PRKG2: variants seen among roughly 807,000 people sequenced by gnomAD.
PRKG2 encodes cGMP-dependent protein kinase 2.
A neutral mutation model predicts 97.2 loss-of-function variants in PRKG2; 33 were observed. The ratio of observed to expected loss-of-function variants is 0.34; its 90% CI spans 0.26 to 0.45. The LOEUF is 0.45. Ranked by LOEUF, PRKG2 falls within the 20% of genes least tolerant of loss-of-function variation. PRKG2 has a pLI of 1.00. For synonymous variants in PRKG2, 330 were observed against 321.8 expected (o/e 1.03, Z -0.27); for missense variants, 638 against 900.0 (o/e 0.71, Z 3.73).
chr4:81,091,535 G>A (rs532551198), intron 18 of PRKG2, among the ~76,000 whole-genome samples: 20 of 151,898 alleles, frequency 1.3e-4, no homozygotes, highest in African/African-American at 4.8e-4. Context: ...CGCCCGCCTC[G>A]GCCTCCTAAA....
chr4:81,144,413 A>C (rs1308327709), intron 9 of PRKG2, 83 bp from the exon 10 acceptor site: 2 of 1,046,256 alleles, frequency 1.9e-6, no homozygotes, highest in East Asian at 2.4e-5. Context: ...ATAAAACACA[A>C]GCTGGTTATT....
chr4:81,208,621 G>T (rs1203041115), intron 1 of PRKG2, among the ~76,000 whole-genome samples: 3 of 151,960 alleles, frequency 2.0e-5, no homozygotes, highest in African/African-American at 4.8e-5. Context: ...ATGGGGTCTT[G>T]CACTATGTTG....
At chr4:81,101,485 A>T (rs1742764331) in intron 17 of PRKG2, among the ~76,000 whole-genome samples, 1 of 147,614 alleles carries the variant, frequency 6.8e-6, no homozygotes, top group Non-Finnish European at 1.5e-5. Flanking sequence ...CAAATACTTC[A>T]TGTTCTCACT....
intron 6 of PRKG2, among the ~76,000 whole-genome samples, chr4:81,162,225 G>C (rs191374197): frequency 6.6e-6 from 1 of 152,064 alleles, no homozygotes; most frequent in African/African-American, 2.4e-5. Flanking sequence ...CCAGGTACCC[G>C]GTGACTGTTA....
At chr4:81,103,620 CAAT>C (rs1489565638) in intron 17 of PRKG2, among the ~76,000 whole-genome samples, 24 of 152,108 alleles carry the variant, frequency 1.6e-4, no homozygotes, top group African/African-American at 4.1e-4. Context: ...CTGGCAACAA[CAAT>C]GTTATCTTCT....
At chr4:81,212,228 C>G (rs750977388) in intron 1 of PRKG2, among the ~76,000 whole-genome samples, 1 of 152,104 alleles carries the variant, frequency 6.6e-6, no homozygotes, top group Admixed American at 6.6e-5. Flanking sequence ...AATCATATGA[C>G]CTTGTTGTAC....
intron 1 of PRKG2, among the ~76,000 whole-genome samples, chr4:81,212,696 T>C (rs2110138803): frequency 6.6e-6 from 1 of 152,266 alleles, no homozygotes; most frequent in Middle Eastern, 3.4e-3. Flanking sequence ...TATTAAGCAG[T>C]TATTGATACA....
Position 81,089,777 on chromosome 4 carries a change from G to C in PRKG2, c.2220C>G (p.Tyr740Ter). 6.2e-7 allele frequency: 1 copy of C among 1,612,292 alleles called. No individual in the cohort carries two copies. The highest frequency in any genetic ancestry group is 8.5e-7 in the Non-Finnish European group (1 of 1,178,378). The change falls in exon 19 of 19, where the codon TAC (tyrosine) becomes TAG (stop). Residue 740 changes from tyrosine to a stop codon, truncating the protein, a stop_gained. Coordinates refer to ENST00000264399, the MANE Select transcript of PRKG2 (RefSeq NM_006259.3). LOFTEE classifies it high-confidence loss of function. ...RELKGPIDHSYFDKYPPEKGM... is the reference protein window; with the variant it reads ...RELKGPIDHS ...CCTTTTCAGGAGGATATTTGTCAAA[G>C]TAGCTGTGATCTATGGGTCCCTTGA... is the stretch of plus-strand genomic sequence containing the variant.
intron 2 of PRKG2, among the ~76,000 whole-genome samples, chr4:81,180,663 T>G (rs190368629): frequency 4.6e-4 from 70 of 152,204 alleles, no homozygotes; most frequent in African/African-American, 1.5e-3. Flanking sequence ...TAGACAAGTG[T>G]CCCACATTGA....
intron 7 of PRKG2, among the ~76,000 whole-genome samples, chr4:81,153,258 C>T (rs1252706615): frequency 6.6e-6 from 1 of 152,216 alleles, no homozygotes; most frequent in Non-Finnish European, 1.5e-5. Flanking sequence ...TGAATTCATT[C>T]TCCACCTGCT....
intron 17 of PRKG2, among the ~76,000 whole-genome samples, chr4:81,093,018 C>T (rs1231951042): frequency 1.3e-5 from 2 of 152,094 alleles, no homozygotes; most frequent in African/African-American, 4.8e-5. Flanking sequence ...TCAATACTTC[C>T]CCACCTTTTC....
At chr4:81,171,931 TTATAA>T in intron 3 of PRKG2, 127 bp from the exon 4 acceptor site, 1 of 596,268 alleles carries the variant, frequency 1.7e-6, no homozygotes. Flanking sequence ...ATGATTCTCA[TTATAA>T]TACACCAGTT....
intron 2 of PRKG2, among the ~76,000 whole-genome samples, chr4:81,184,514 A>G (rs567470697): frequency 6.6e-6 from 1 of 152,322 alleles, no homozygotes; most frequent in Admixed American, 6.5e-5. Flanking sequence ...ACCAAAGTAG[A>G]TAAATCCATG....
At chr4:81,098,133 G>A (rs762863618) in intron 17 of PRKG2, among the ~76,000 whole-genome samples, 24 of 152,206 alleles carry the variant, frequency 1.6e-4, no homozygotes, top group Non-Finnish European at 2.8e-4. Context: ...CTGCCAGTGC[G>A]GCTAGAATAT....
At chr4:81,136,902 ACC>A (rs1462170077) in intron 13 of PRKG2, among the ~76,000 whole-genome samples, 5 of 151,932 alleles carry the variant, frequency 3.3e-5, no homozygotes, top group African/African-American at 1.2e-4. Context: ...TCTCCTCCTG[ACC>A]CCCACCGTGC....
chr4:81,089,609 A>G lies in PRKG2; in HGVS notation c.*99T>C. 1 of 904,846 alleles carries G rather than the reference A, an allele frequency of 1.1e-6. No homozygotes were observed. Among genetic ancestry groups the G allele is most frequent in the Non-Finnish European group, 1.7e-6 (1 of 595,528 alleles). 56.1% of individuals were successfully genotyped at this position (904,846 alleles called of 1,614,324 possible). ...AATTTCTTTTCCCTAATGGTCTTCCAAAGATATTATAATACTCTGAAAAGA... is the reference window on the plus strand; with the variant it reads ...AATTTCTTTTCCCTAATGGTCTTCCGAAGATATTATAATACTCTGAAAAGA... On this transcript the variant is annotated 3_prime_UTR_variant, in exon 19 of 19. Transcript: ENST00000264399.
chr4:81,207,128 G>C (rs921478113), intron 1 of PRKG2, among the ~76,000 whole-genome samples: 11 of 152,112 alleles, frequency 7.2e-5, no homozygotes, highest in Admixed American at 2.0e-4. Flanking sequence ...CTTGTACCTT[G>C]AATAAGCAAT....
chr4:81,173,527 T>A (rs1176145224), intron 3 of PRKG2, among the ~76,000 whole-genome samples: 1 of 152,114 alleles, frequency 6.6e-6, no homozygotes, highest in Non-Finnish European at 1.5e-5. Context: ...AGAGAAAAGT[T>A]GCAAGAGGGA....
intron 2 of PRKG2, among the ~76,000 whole-genome samples, chr4:81,186,624 G>A (rs1578492143): frequency 6.6e-6 from 1 of 152,092 alleles, no homozygotes; most frequent in East Asian, 1.9e-4. Context: ...ACTAAGATCA[G>A]AACAGAACTG....
Sources: gnomAD v4.1 joint callset for allele counts (sites outside exome capture counted in the v4.1 genomes callset) on GRCh38, gnomAD v4.1.1 for gene constraint, MANE v1.5 for transcripts, NCBI Gene and HGNC (gene_info 2026-07-23, HGNC 2026-07-21) for gene names.